The following ADCY10 variants were observed in gnomAD, a reference collection of about 807,000 sequenced individuals.
ADCY10 encodes the protein adenylate cyclase type 10.
ADCY10 carries 156 observed loss-of-function variants against 183.3 expected under a neutral mutation model. The observed-to-expected ratio is 0.85, with a 90% CI of 0.75 to 0.97. The LOEUF is 0.97. Ranked by LOEUF, ADCY10 falls within the 50% of genes least tolerant of loss-of-function variation. The pLI, the probability that ADCY10 is intolerant of heterozygous loss-of-function variation, is 0.00. For missense variants in ADCY10, 1,745 were observed against 1,934.3 expected, an observed-to-expected ratio of 0.90 and a Z score of 1.84; for synonymous variants, 645 against 670.0, an observed-to-expected ratio of 0.96 and a Z score of 0.58.
At position 167,836,304 on chromosome 1, in the gene ADCY10, C is replaced by T. The variant is rs371732106; in HGVS notation, c.3309+5G>A. On this transcript the variant is annotated splice_donor_5th_base_variant and intron_variant, in intron 23 of 32. Transcript: ENST00000367851. ...GTGGAGGTGGTCTGGGTAGAAACAG[C>T]TTACCATGTAGTTATCACAAAAGAT... 1.0e-5 allele frequency: 16 copies of T among 1,597,886 alleles called. No individual in the cohort carries two copies. Among genetic ancestry groups the T allele is most frequent in the Non-Finnish European group, 1.3e-5 (15 of 1,165,564 alleles).
intron 24 of ADCY10, 26 bp from the exon 25 acceptor site, chr1:167,833,188 G>C (rs1200971019): frequency 6.2e-7 from 1 of 1,603,294 alleles, no homozygotes; most frequent in Non-Finnish European, 8.5e-7. Context: ...AGGGAAGAGA[G>C]GAAAAGAGGA....
chr1:167,816,735 G>A (rs999382071), intron 31 of ADCY10, among the ~76,000 whole-genome samples: 5 of 152,076 alleles, frequency 3.3e-5, no homozygotes, highest in Admixed American at 3.3e-4. Context: ...CAAAATTGAA[G>A]ACAAAATAAA....
intron 25 of ADCY10, among the ~76,000 whole-genome samples, chr1:167,830,087 T>G (rs1663597843): frequency 6.6e-6 from 1 of 152,262 alleles, no homozygotes; most frequent in Admixed American, 6.5e-5. Flanking sequence ...GTTAAGTATC[T>G]GCACGGGTAG....
In ADCY10 at chr1:167,846,216, GC is replaced by G. The variant is rs1290578382; in HGVS notation, c.2484del (p.Met828IlefsTer3). On this transcript the variant is annotated frameshift_variant, in exon 20 of 33. Coordinates refer to ENST00000367851, the MANE Select transcript of ADCY10 (RefSeq NM_018417.6). LOFTEE classifies it high-confidence loss of function. ...QLDSMRLSHQMLVRCAAIIGL... is the reference protein window; with the variant it reads ...QLDSMRLSHQXLVRCAAIIGL... ...CCAATGATGGCAGCACATCTCACCA[GC>G]ATTTGGTGGGAAAGTCTCATGCTAT... The G allele has an allele frequency of 6.2e-7, 1 of 1,614,080 alleles. No homozygotes were observed. Among genetic ancestry groups the G allele is most frequent in the Non-Finnish European group, 8.5e-7 (1 of 1,180,046 alleles).
chr1:167,862,828 T>C (rs1666376711), intron 14 of ADCY10, among the ~76,000 whole-genome samples: 1 of 152,154 alleles, frequency 6.6e-6, no homozygotes, highest in Non-Finnish European at 1.5e-5. Context: ...CCTCACACTG[T>C]TTAGGTTAGG....
chr1:167,833,229 C>A lies in ADCY10; in HGVS notation c.3418-67G>T, dbSNP rs568057555. The A allele has an allele frequency of 6.3e-4, 897 of 1,427,518 alleles. 1 individual carries two copies. Among genetic ancestry groups the A allele is most frequent in the South Asian group, 3.6e-3 (313 of 86,022 alleles). 88.4% of individuals were successfully genotyped at this position (1,427,518 alleles called of 1,614,324 possible). A position where few individuals can be genotyped will look rare whatever the true frequency, so the allele number is the denominator to read the frequency against. On this transcript the variant is annotated intron_variant, in intron 24 of 32. Coordinates refer to ENST00000367851, the MANE Select transcript of ADCY10 (RefSeq NM_018417.6). ...ATGATTCTAACTTAATTAGTAGGTCCCAACAATCCATATTTTGGGGATTCT... is the reference window on the plus strand; with the variant it reads ...ATGATTCTAACTTAATTAGTAGGTCACAACAATCCATATTTTGGGGATTCT...
intron 13 of ADCY10, among the ~76,000 whole-genome samples, chr1:167,872,248 G>T (rs943701405): frequency 1.3e-5 from 2 of 152,036 alleles, no homozygotes; most frequent in African/African-American, 4.8e-5. Flanking sequence ...TGAGGCAGGA[G>T]AATTGCTTGA....
At chr1:167,907,153 A>G (rs1669874950) in intron 1 of ADCY10, among the ~76,000 whole-genome samples, 1 of 152,248 alleles carries the variant, frequency 6.6e-6, no homozygotes, top group Non-Finnish European at 1.5e-5. Context: ...AATGTCAGTA[A>G]TCTCAAAAAA....
Position 167,860,876 on chromosome 1 carries a change from C to T in ADCY10, c.1804G>A (p.Val602Ile). 5 of 1,613,924 alleles carry T rather than the reference C, an allele frequency of 3.1e-6. No homozygotes were observed. The highest frequency in any genetic ancestry group is 4.2e-6 in the Non-Finnish European group (5 of 1,179,860). The change falls in exon 15 of 33, where the codon GTT (valine) becomes ATT (isoleucine). Residue 602 changes from valine (V) to isoleucine (I), a missense_variant. Transcript: ENST00000367851. ...FYCLLNDIFH[V>I]QFPISREISR... is the part of the protein sequence containing the mutation. Reference sequence around the variant, plus strand: ...GTATAATACTAGCTAGTTACCTGAACATGGAAAATGTCATTAAGAAGACAG... The same window carrying T: ...GTATAATACTAGCTAGTTACCTGAATATGGAAAATGTCATTAAGAAGACAG...
intron 26 of ADCY10, 77 bp from the exon 27 acceptor site, chr1:167,824,932 G>T: frequency 7.4e-7 from 1 of 1,345,926 alleles, no homozygotes; most frequent in Non-Finnish European, 1.1e-6. Context: ...ATGTCTGCCA[G>T]TAAATGTTTG....
At chr1:167,895,054 C>G (rs1196530145) in intron 7 of ADCY10, among the ~76,000 whole-genome samples, 2 of 151,876 alleles carry the variant, frequency 1.3e-5, no homozygotes, top group Non-Finnish European at 2.9e-5. Context: ...TGGTGGCACG[C>G]CTCTGTATTC....
intron 9 of ADCY10, among the ~76,000 whole-genome samples, chr1:167,882,106 A>G (rs1268906500): frequency 1.3e-5 from 2 of 152,224 alleles, no homozygotes; most frequent in Admixed American, 1.3e-4. Flanking sequence ...TTTAATACAC[A>G]AAAGGAATTG....
intron 9 of ADCY10, among the ~76,000 whole-genome samples, chr1:167,882,394 A>C (rs7531614): frequency 0.06 from 9,032 of 150,950 alleles, 343 homozygotes; most frequent in Middle Eastern, 0.11. Flanking sequence ...CTGAGTCAAG[A>C]GAATCGCTTG....
intron 31 of ADCY10, among the ~76,000 whole-genome samples, chr1:167,812,222 C>A (rs1039080199): frequency 4.0e-5 from 6 of 151,648 alleles, no homozygotes; most frequent in Admixed American, 1.3e-4. Context: ...TCATTGCAAG[C>A]CCCTCCCACT....
rs985360048 is a variant in ADCY10, at chr1:167,860,110, C to G, written c.1810-217G>C. 7.2e-5 allele frequency among the ~76,000 whole-genome samples: 11 copies of G among 152,090 alleles called. 1 individual carries two copies. The highest frequency in any genetic ancestry group is 5.2e-4 in the Admixed American group (8 of 15,264). ...GGATGATTTTAGGATGATTCAGGTG[C>G]ATTACATTTATTGTGCACTTTGCTT... is the stretch of plus-strand genomic sequence containing the variant. On this transcript the variant is annotated intron_variant, in intron 15 of 32. Transcript: ENST00000367851.
chr1:167,891,710 C>T (rs1293093887), intron 8 of ADCY10, among the ~76,000 whole-genome samples: 1 of 150,856 alleles, frequency 6.6e-6, no homozygotes, highest in Non-Finnish European at 1.5e-5. Context: ...CCCTGCCAAT[C>T]ATCATCCCTG....
chr1:167,906,647 G>T (rs1206792660), intron 1 of ADCY10, among the ~76,000 whole-genome samples: 1 of 151,722 alleles, frequency 6.6e-6, no homozygotes, highest in Admixed American at 6.6e-5. Flanking sequence ...AAAATTGCTG[G>T]GTGTGGTGGC....
Position 167,854,224 on chromosome 1 carries a change from C to T in ADCY10, c.2308+129G>A, listed in dbSNP as rs548690991. ...TCTGGAATATCGGATCCAATAATTC[C>T]TGGCTCCCCAGAACCTTCTGACTCT... On this transcript the variant is annotated intron_variant, in intron 18 of 32. Transcript: ENST00000367851. 287 of 1,143,296 alleles carry T rather than the reference C, an allele frequency of 2.5e-4. No homozygotes were observed. In the African/African-American group the frequency reaches 3.4e-3, roughly 13 times the overall value. The allele number at this position is 1,143,296 out of a possible 1,614,324, so 70.8% of individuals were successfully genotyped here.
intron 21 of ADCY10, 76 bp from the exon 22 acceptor site, chr1:167,837,394 A>G (rs1664294839): frequency 1.5e-6 from 2 of 1,328,164 alleles, no homozygotes; most frequent in Admixed American, 3.5e-5. Context: ...TCTACCCAAG[A>G]CTCTTGTTCC....
Sources: gnomAD v4.1 joint callset for allele counts (sites outside exome capture counted in the v4.1 genomes callset) on GRCh38, gnomAD v4.1.1 for gene constraint, MANE v1.5 for transcripts, NCBI Gene and HGNC (gene_info 2026-07-23, HGNC 2026-07-21) for gene names.